The following SATB2 variants were observed in gnomAD, a reference collection of about 807,000 sequenced individuals.
The protein encoded by SATB2 is DNA-binding protein SATB2.
A neutral mutation model predicts 73.4 loss-of-function variants in SATB2; 1 was observed. The observed-to-expected ratio is 0.01, with a 90% CI of 0.00 to 0.06. SATB2 has a LOEUF of 0.06. Ranked by LOEUF, SATB2 falls within the 10% of genes least tolerant of loss-of-function variation. The probability of loss-of-function intolerance (pLI) is 1.00; values close to 1 mark genes in which losing one functional copy is unlikely to be tolerated. For synonymous variants in SATB2, 397 were observed against 367.0 expected (o/e 1.08, Z -0.93); for missense variants, 459 against 945.8 (o/e 0.49, Z 6.75).
chr2:199,300,740 G>A (rs1283927081), intron 10 of SATB2, among the ~76,000 whole-genome samples: 1 of 151,932 alleles, frequency 6.6e-6, no homozygotes, highest in African/African-American at 2.4e-5. Context: ...CAAAAATGCA[G>A]AATATAAAAA....
intron 10 of SATB2, among the ~76,000 whole-genome samples, chr2:199,289,516 G>A (rs918114822): frequency 1.3e-5 from 2 of 152,102 alleles, no homozygotes; most frequent in African/African-American, 4.8e-5. Flanking sequence ...GTCCAATTGT[G>A]TCTCCACACA....
intron 9 of SATB2, among the ~76,000 whole-genome samples, chr2:199,320,129 C>G (rs959701386): frequency 6.6e-6 from 1 of 152,088 alleles, no homozygotes; most frequent in Admixed American, 6.6e-5. Context: ...CCTGTGGCCA[C>G]GCAGACAGAA....
At chr2:199,315,636 T>C (rs937771178) in intron 9 of SATB2, among the ~76,000 whole-genome samples, 3 of 152,106 alleles carry the variant, frequency 2.0e-5, no homozygotes, top group Non-Finnish European at 2.9e-5. Context: ...TTAAAAAACA[T>C]TGGTCTAGGT....
At chr2:199,363,777 C>T (rs906483390) in intron 6 of SATB2, among the ~76,000 whole-genome samples, 5 of 152,156 alleles carry the variant, frequency 3.3e-5, no homozygotes, top group African/African-American at 9.6e-5. Flanking sequence ...GTATAAAATA[C>T]GTAAGTAAAT....
At chr2:199,423,126 G>C (rs534762822) in intron 3 of SATB2, among the ~76,000 whole-genome samples, 1 of 152,106 alleles carries the variant, frequency 6.6e-6, no homozygotes, top group Non-Finnish European at 1.5e-5. Flanking sequence ...CCTAGTTCTA[G>C]ACGAAATGGA....
At chr2:199,336,755 G>C (rs1688348351) in intron 7 of SATB2, among the ~76,000 whole-genome samples, 1 of 152,124 alleles carries the variant, frequency 6.6e-6, no homozygotes, top group Non-Finnish European at 1.5e-5. Flanking sequence ...TTGAAGAAGG[G>C]ATTATGCCCT....
chr2:199,337,083 T>C (rs140473701), intron 7 of SATB2, among the ~76,000 whole-genome samples: 269 of 152,282 alleles, frequency 1.8e-3, no homozygotes, highest in African/African-American at 5.9e-3. Flanking sequence ...CAATTTTTAT[T>C]TTACATCTAC....
chr2:199,344,167 T>C (rs77541570), intron 7 of SATB2, among the ~76,000 whole-genome samples: 2,388 of 152,282 alleles, frequency 0.016, 25 homozygotes, highest in Non-Finnish European at 0.026. Context: ...CCAAAGGAGC[T>C]GTATACATAA....
At chr2:199,303,561 T>A (rs1574487434) in intron 10 of SATB2, among the ~76,000 whole-genome samples, 1 of 152,206 alleles carries the variant, frequency 6.6e-6, no homozygotes, top group Non-Finnish European at 1.5e-5. Flanking sequence ...TAAGTCTTTG[T>A]TTTGGGGGGT....
chr2:199,293,617 G>T (rs1322293033), intron 10 of SATB2, among the ~76,000 whole-genome samples: 1 of 152,110 alleles, frequency 6.6e-6, no homozygotes, highest in Non-Finnish European at 1.5e-5. Flanking sequence ...GTGTCAAAAT[G>T]ATTTTCTCTA....
rs548122032 is a variant in SATB2, at chr2:199,392,192, A to G, written c.347-10372T>C. ...CCAGTAAAAAGCAAGGACTGGGAGC[A>G]TCTAGATTAATCCACTAATTCTCCT... On this transcript the variant is annotated intron_variant, in intron 3 of 10. Transcript: ENST00000417098. 5.3e-5 allele frequency among the ~76,000 whole-genome samples: 8 copies of G among 152,316 alleles called. No homozygotes were observed. In the East Asian group the frequency reaches 1.5e-3, roughly 29 times the overall value.
At chr2:199,275,728 G>A (rs17249384) in intron 10 of SATB2, among the ~76,000 whole-genome samples, 4,588 of 152,222 alleles carry the variant, frequency 0.03, 105 homozygotes, top group Middle Eastern at 0.051. Context: ...GTACCATAGT[G>A]GGTTGGGCAC....
chr2:199,318,138 A>T (rs757810091), intron 9 of SATB2, among the ~76,000 whole-genome samples: 54 of 151,898 alleles, frequency 3.6e-4, no homozygotes, highest in Non-Finnish European at 5.9e-4. Context: ...GCAAAAGCAA[A>T]ATCATTAGCA....
intron 3 of SATB2, among the ~76,000 whole-genome samples, chr2:199,409,659 GT>G (rs879885170): frequency 3.2e-5 from 4 of 123,770 alleles, no homozygotes; most frequent in South Asian, 5.1e-4. Context: ...AGTTTTTTTT[GT>G]TTTTTTTTGT....
rs754809490 is a variant in SATB2 at position 199,317,830 on chromosome 2, C to T, written c.1542+5973G>A. ...ACTGGAGGGCTCAACTTGACGCTCG[C>T]GCATCATATCACTATGTTCACACCA... On this transcript the variant is annotated intron_variant, in intron 9 of 10. Transcript: ENST00000417098. Among the ~76,000 whole-genome samples, 29 of 152,076 alleles carry T rather than the reference C, an allele frequency of 1.9e-4. 1 individual carries two copies. Among genetic ancestry groups the T allele is most frequent in the Non-Finnish European group, 3.1e-4 (21 of 67,988 alleles).
At chr2:199,326,369 T>C (rs1220085856) in intron 8 of SATB2, among the ~76,000 whole-genome samples, 1 of 152,172 alleles carries the variant, frequency 6.6e-6, no homozygotes, top group Admixed American at 6.6e-5. Flanking sequence ...GAGATTTCCC[T>C]GCTACACCTA....
At chr2:199,396,060 G>A (rs1690291286) in intron 3 of SATB2, 1 of 152,196 alleles carries the variant, frequency 6.6e-6, no homozygotes, top group Non-Finnish European at 1.5e-5. Flanking sequence ...TAAAGCTCCA[G>A]TGATTTTCAA....
upstream of SATB2, chr2:199,468,073 T>C (rs1323348543): frequency 1.4e-5 from 2 of 143,056 alleles, no homozygotes; most frequent in African/African-American, 5.3e-5. Flanking sequence ...TCTCTCTCTC[T>C]TTTTTTTTTT....
intron 6 of SATB2, among the ~76,000 whole-genome samples, chr2:199,360,758 C>G (rs1206819844): frequency 2.6e-5 from 4 of 152,116 alleles, no homozygotes; most frequent in African/African-American, 7.2e-5. Flanking sequence ...CAGTTAGCCA[C>G]GTTTAGACTC....
Sources: allele counts gnomAD v4.1 joint callset (sites outside exome capture counted in the v4.1 genomes callset), GRCh38; gene constraint gnomAD v4.1.1; transcripts MANE v1.5; gene names NCBI Gene and HGNC (gene_info 2026-07-23, HGNC 2026-07-21).